The following HAAO variants were observed in gnomAD, a reference collection of about 807,000 sequenced individuals.
HAAO encodes the protein 3-hydroxyanthranilate oxygenase.
HAAO carries 49 observed loss-of-function variants against 46.2 expected under a neutral mutation model. That is an observed-to-expected ratio of 1.06 (90% CI 0.84 to 1.34). The LOEUF is 1.34. Ranked by LOEUF, HAAO falls within the 40% of genes most tolerant of loss-of-function variation. The pLI is 0.00. For synonymous variants in HAAO, 157 were observed against 145.2 expected (o/e 1.08, Z -0.58); for missense variants, 408 against 364.5 (o/e 1.12, Z -0.97).
chr2:42,771,456 A>G (rs901013247), intron 4 of HAAO, among the ~76,000 whole-genome samples: 2 of 151,716 alleles, frequency 1.3e-5, no homozygotes, highest in African/African-American at 4.8e-5. Context: ...AAAAAAAAAA[A>G]AAAAAGAAGC....
chr2:42,773,744 G>A (rs1454192321), intron 4 of HAAO, among the ~76,000 whole-genome samples: 1 of 152,020 alleles, frequency 6.6e-6, no homozygotes, highest in African/African-American at 2.4e-5. Flanking sequence ...CCGCCACCAC[G>A]CCCGACTAAT....
At position 42,789,307 on chromosome 2, in the gene HAAO, G is replaced by A. The variant is rs191174055; in HGVS notation, c.81-700C>T. The A allele has an allele frequency of 3.6e-3, 545 of 152,450 alleles. 2 individuals carry two copies. Among genetic ancestry groups the A allele is most frequent in the Middle Eastern group, 6.8e-3 (2 of 294 alleles). The allele number at this position is 152,450 out of a possible 1,614,324, so 9.4% of individuals were successfully genotyped here. A position where few individuals can be genotyped will look rare whatever the true frequency, so the allele number is the denominator to read the frequency against. Reference sequence around the variant, plus strand: ...ATAAAATAAATAAACCCGGCCGGGCGTGGTGGCTCATGCCTGTAATCCCAG... The same window carrying A: ...ATAAAATAAATAAACCCGGCCGGGCATGGTGGCTCATGCCTGTAATCCCAG... On this transcript the variant is annotated intron_variant, in intron 1 of 9. Transcript: ENST00000294973.
At chr2:42,784,301 A>C (rs1672231691) in intron 2 of HAAO, among the ~76,000 whole-genome samples, 1 of 151,970 alleles carries the variant, frequency 6.6e-6, no homozygotes, top group African/African-American at 2.4e-5. Context: ...AAGAAAGAAA[A>C]ACAAGGCTCA....
At chr2:42,773,972 C>T (rs1042847012) in intron 4 of HAAO, among the ~76,000 whole-genome samples, 3 of 152,282 alleles carry the variant, frequency 2.0e-5, no homozygotes, top group East Asian at 1.9e-4. Context: ...AGAGACTAAT[C>T]GGAAACTCAA....
rs756517097 is a variant in HAAO, at chr2:42,788,608, C to T, written c.81-1G>A. 1.3e-6 allele frequency: 2 copies of T among 1,535,626 alleles called. No individual in the cohort carries two copies. The highest frequency in any genetic ancestry group is 3.3e-5 in the Admixed American group (2 of 59,930). ...CATGACTTTGAGCTGCTCCTGGTGC[C>T]TGCAATGCGCAAAGTGGGGGAGACG... On this transcript the variant is annotated splice_acceptor_variant, in intron 1 of 9. Transcript: ENST00000294973. LOFTEE classifies it high-confidence loss of function.
chr2:42,786,158 T>C (rs1474203385), intron 2 of HAAO, among the ~76,000 whole-genome samples: 3 of 151,968 alleles, frequency 2.0e-5, no homozygotes, highest in Non-Finnish European at 4.4e-5. Flanking sequence ...GGGCCAGATT[T>C]AAACCCTTAC....
chr2:42,791,923 G>GTGTGT (rs3040147), intron 1 of HAAO, among the ~76,000 whole-genome samples: 66,488 of 149,940 alleles, frequency 0.44, 14,998 homozygotes, highest in South Asian at 0.61. Context: ...GGTCTGGTGT[G>GTGTGT]GTGTGTGTGT....
chr2:42,767,895 G>C lies in HAAO; in HGVS notation c.664C>G (p.Leu222Val), dbSNP rs200932461. The change falls in exon 8 of 10, where the codon CTG becomes GTG. Residue 222 changes from leucine (L) to valine (V), a missense_variant. Transcript: ENST00000294973. ...AGCCACACGTCCACATTCTGTCTCA[G>C]GCCTTCGCTGCTGCCTTGCCCATAG... ...IAYGQGSSEG[L>V]RQNVDVWLWQ... is the part of the protein sequence containing the mutation. 57 of 1,613,902 alleles carry C rather than the reference G, an allele frequency of 3.5e-5. No individual in the cohort carries two copies. Among genetic ancestry groups the C allele is most frequent in the Non-Finnish European group, 8.5e-7 (1 of 1,179,892 alleles).
intron 4 of HAAO, among the ~76,000 whole-genome samples, chr2:42,780,216 T>TTTTC (rs1325011152): frequency 1.3e-5 from 2 of 150,984 alleles, no homozygotes; most frequent in Non-Finnish European, 2.9e-5. Context: ...TTTTAATTTT[T>TTTTC]TTTTTTTTTT....
chr2:42,783,940 A>T, intron 2 of HAAO, 73 bp from the exon 3 acceptor site: 1 of 1,551,608 alleles, frequency 6.4e-7, no homozygotes, highest in Non-Finnish European at 8.7e-7. Context: ...CCAGGCCCTG[A>T]ATTCTGACCG....
At chr2:42,781,782 G>A (rs186588799) in intron 4 of HAAO, among the ~76,000 whole-genome samples, 45 of 152,236 alleles carry the variant, frequency 3.0e-4, no homozygotes, top group African/African-American at 1.0e-3. Context: ...GTTAAGGCAG[G>A]AGAATCACTT....
rs199602527 is a variant in HAAO at position 42,792,475 on chromosome 2, G to C, written c.62C>G (p.Pro21Arg). Residue 21 changes from proline to arginine, a missense_variant, in exon 1 of 10, where the codon CCG becomes CGG. By Grantham distance (103) the Pro-to-Arg change is moderately radical. Transcript: ENST00000294973. ...GACTCACATGAGCTTGTTGCAGACC[G>C]GGGGCTGGAAGGAGCCCCGGTTCTC... The part of the protein sequence containing the change: ...VKENRGSFQP[P>R]VCNKLMHQEQ... The C allele has an allele frequency of 3.8e-6, 6 of 1,585,992 alleles. No individual in the cohort carries two copies. In the East Asian group the frequency reaches 9.7e-5, roughly 26 times the overall value.
intron 7 of HAAO, 24 bp downstream of exon 7, chr2:42,769,689 C>T (rs569638811): frequency 1.3e-6 from 2 of 1,576,872 alleles, no homozygotes; most frequent in Admixed American, 1.8e-5. Context: ...GGAGGATGCC[C>T]CGGATGCCCC....
intron 7 of HAAO, among the ~76,000 whole-genome samples, chr2:42,769,186 A>G (rs568217799): frequency 3.3e-5 from 5 of 152,284 alleles, no homozygotes; most frequent in South Asian, 2.1e-4. Flanking sequence ...TTAACAAACT[A>G]TACATTCTTT....
chr2:42,768,953 C>T (rs1012154424), intron 7 of HAAO, among the ~76,000 whole-genome samples: 1 of 152,220 alleles, frequency 6.6e-6, no homozygotes, highest in African/African-American at 2.4e-5. Context: ...CATGCTCATG[C>T]TTCTCCCTCA....
intron 4 of HAAO, among the ~76,000 whole-genome samples, chr2:42,779,148 AATTAGTCATTAATGTCAAAG>A (rs1428869643): frequency 6.6e-6 from 1 of 152,130 alleles, no homozygotes. Flanking sequence ...TTTCTCTATA[AATTAGTCATTAATGTCAAAG>A]GTACACTGAT....
chr2:42,775,182 G>A (rs1298698493), intron 4 of HAAO, among the ~76,000 whole-genome samples: 4 of 150,816 alleles, frequency 2.7e-5, no homozygotes, highest in African/African-American at 9.8e-5. Context: ...AGGAGGCAGA[G>A]GTTGCAGTGA....
chr2:42,788,942 C>T (rs1040114124), intron 1 of HAAO: 25 of 326,150 alleles, frequency 7.7e-5, no homozygotes, highest in African/African-American at 5.3e-4. Flanking sequence ...AGGAGAGTAG[C>T]AAATTGAAGA....
intron 4 of HAAO, among the ~76,000 whole-genome samples, chr2:42,770,785 C>T (rs934649482): frequency 3.9e-5 from 6 of 152,160 alleles, no homozygotes; most frequent in Non-Finnish European, 7.3e-5. Context: ...GCTACTATCC[C>T]GAGAATTCAC....
Sources: allele counts gnomAD v4.1 joint callset (sites outside exome capture counted in the v4.1 genomes callset), GRCh38; gene constraint gnomAD v4.1.1; transcripts MANE v1.5; gene names NCBI Gene and HGNC (gene_info 2026-07-23, HGNC 2026-07-21).